Variants in FRMD6 observed in about 807,000 individuals in gnomAD.
FRMD6 encodes FERM domain-containing protein 6.
Under a neutral mutation model 73.2 loss-of-function variants are expected in FRMD6, and 37 were observed. The observed-to-expected ratio is 0.51, with a 90% CI of 0.39 to 0.66. The LOEUF is 0.66. Among genes scored for constraint, FRMD6 ranks in the 30% least tolerant of loss-of-function variants. The pLI, the probability that FRMD6 is intolerant of heterozygous loss-of-function variation, is 0.00. For synonymous variants in FRMD6, 273 were observed against 282.2 expected (o/e 0.97, Z 0.33); for missense variants, 714 against 780.5 (o/e 0.91, Z 1.02).
chr14:51,540,642 T>C (rs1319438914), intron 1 of FRMD6, among the ~76,000 whole-genome samples: 1 of 152,148 alleles, frequency 6.6e-6, no homozygotes, highest in Non-Finnish European at 1.5e-5. Context: ...CCTGTGTTTT[T>C]TATTTTGTCC....
chr14:51,484,082 T>C, the FRMD6 span, among the ~76,000 whole-genome samples: 2 of 152,308 alleles, frequency 1.3e-5, no homozygotes, highest in Non-Finnish European at 2.9e-5. Context: ...TCAATAAATC[T>C]GTTAAATGTA....
At chr14:51,519,331 A>C (rs1233439329) in intron 1 of FRMD6, among the ~76,000 whole-genome samples, 13 of 151,754 alleles carry the variant, frequency 8.6e-5, no homozygotes, top group Non-Finnish European at 1.9e-4. Context: ...TACCCAGCTA[A>C]TTTTGGTGGG....
the FRMD6 span, among the ~76,000 whole-genome samples, chr14:51,419,382 T>G: frequency 6.6e-6 from 1 of 152,326 alleles, no homozygotes; most frequent in Admixed American, 6.5e-5. Context: ...TTTCTTGACC[T>G]CGTGATCTGC....
intron 1 of FRMD6, among the ~76,000 whole-genome samples, chr14:51,545,783 T>G (rs1253723600): frequency 2.0e-5 from 3 of 152,182 alleles, no homozygotes; most frequent in African/African-American, 4.8e-5. Context: ...ATCAAATTGA[T>G]AAATCATCTA....
At chr14:51,470,523 C>G in the FRMD6 span, among the ~76,000 whole-genome samples, 1 of 152,084 alleles carries the variant, frequency 6.6e-6, no homozygotes, top group Non-Finnish European at 1.5e-5. Context: ...AAAAAACCAG[C>G]TTTTGGTTTT....
Position 51,701,072 on chromosome 14 carries a change from T to C in FRMD6, c.207T>C (p.Tyr69=), listed in dbSNP as rs1257767923. Residue 69 remains tyrosine (Y), a synonymous_variant, in exon 4 of 14, where the codon TAT becomes TAC. Coordinates refer to ENST00000344768, the MANE Select transcript of FRMD6 (RefSeq NM_001267046.2). ...LSVIQNNEHV[Y]MELSQKLYKY... ...AATGTACAGATAATGAACATGTGTATATGGAGTTGTCACAAAAGCTTTACA... is the reference window on the plus strand; with the variant it reads ...AATGTACAGATAATGAACATGTGTACATGGAGTTGTCACAAAAGCTTTACA... 1.3e-6 allele frequency: 2 copies of C among 1,561,134 alleles called. No individual in the cohort carries two copies. The highest frequency in any genetic ancestry group is 1.7e-6 in the Non-Finnish European group (2 of 1,145,486).
At chr14:51,532,368 CAAA>C (rs35803305) in intron 1 of FRMD6, among the ~76,000 whole-genome samples, 49,331 of 117,844 alleles carry the variant, frequency 0.42, 8,932 homozygotes, top group African/African-American at 0.52. Context: ...GACTCCATCT[CAAA>C]AAAAAAAAAA....
At chr14:51,429,456 C>G in the FRMD6 span, among the ~76,000 whole-genome samples, 1 of 152,156 alleles carries the variant, frequency 6.6e-6, no homozygotes, top group Non-Finnish European at 1.5e-5. Context: ...CCCTCTAGCC[C>G]TTTATCCACA....
intron 1 of FRMD6, among the ~76,000 whole-genome samples, chr14:51,679,724 C>T (rs1459840344): frequency 1.3e-5 from 2 of 151,986 alleles, no homozygotes; most frequent in Non-Finnish European, 2.9e-5. Flanking sequence ...ATTTGAAGAT[C>T]CCCATCACTT....
chr14:51,582,691 C>T (rs1203848549), intron 2 of FRMD6, among the ~76,000 whole-genome samples: 1 of 152,306 alleles, frequency 6.6e-6, no homozygotes, highest in African/African-American at 2.4e-5. Flanking sequence ...TCATGACACC[C>T]TTCCTGTCCA....
At chr14:51,528,069 G>C (rs145773855) in intron 1 of FRMD6, among the ~76,000 whole-genome samples, 2 of 152,162 alleles carry the variant, frequency 1.3e-5, no homozygotes, top group Admixed American at 6.5e-5. Flanking sequence ...TTGAGCCCCA[G>C]AGGTGGAGGT....
At chr14:51,503,414 T>G (rs9743771) in intron 1 of FRMD6, among the ~76,000 whole-genome samples, 68,284 of 152,008 alleles carry the variant, frequency 0.45, 16,195 homozygotes, top group East Asian at 0.58. Context: ...GAAGGGATGT[T>G]GAATTTTATC....
At chr14:51,443,306 A>AAAAAGTCC in the FRMD6 span, among the ~76,000 whole-genome samples, 1 of 152,250 alleles carries the variant, frequency 6.6e-6, no homozygotes, top group Admixed American at 6.5e-5. Flanking sequence ...GAAGAACTTG[A>AAAAAGTCC]AAAAGTCCAA....
the FRMD6 span, among the ~76,000 whole-genome samples, chr14:51,444,784 T>C: frequency 6.6e-6 from 1 of 152,094 alleles, no homozygotes; most frequent in Non-Finnish European, 1.5e-5. Context: ...GTGCAACTGA[T>C]AGGGGGCGGA....
At chr14:51,660,975 G>T (rs900364823) in intron 1 of FRMD6, among the ~76,000 whole-genome samples, 1 of 152,232 alleles carries the variant, frequency 6.6e-6, no homozygotes, top group Admixed American at 6.5e-5. Flanking sequence ...ACTGAGAGCA[G>T]GGAGAGAAGG....
intron 1 of FRMD6, among the ~76,000 whole-genome samples, chr14:51,567,893 G>A (rs905809297): frequency 2.0e-5 from 3 of 152,144 alleles, no homozygotes; most frequent in African/African-American, 7.2e-5. Context: ...CTCAATAAAT[G>A]TTTGCAGTTG....
intron 1 of FRMD6, among the ~76,000 whole-genome samples, chr14:51,490,924 A>AT (rs2140166396): frequency 6.6e-6 from 1 of 152,222 alleles, no homozygotes; most frequent in East Asian, 1.9e-4. Flanking sequence ...CTGCTATGAG[A>AT]TTTGGACCCT....
chr14:51,688,308 G>A (rs920323945), intron 1 of FRMD6, among the ~76,000 whole-genome samples: 1 of 152,012 alleles, frequency 6.6e-6, no homozygotes. Flanking sequence ...TGGGCTTTTA[G>A]CCACCTTCCT....
At chr14:51,660,875 A>T (rs1893174454) in intron 1 of FRMD6, among the ~76,000 whole-genome samples, 1 of 152,126 alleles carries the variant, frequency 6.6e-6, no homozygotes, top group Admixed American at 6.5e-5. Context: ...GCTGGGGGAA[A>T]AGTGTTGCAG....
Sources: gnomAD v4.1 joint callset for allele counts (sites outside exome capture counted in the v4.1 genomes callset) on GRCh38, gnomAD v4.1.1 for gene constraint, MANE v1.5 for transcripts, NCBI Gene and HGNC (gene_info 2026-07-23, HGNC 2026-07-21) for gene names.